CACNA1E: variants seen among roughly 807,000 people sequenced by gnomAD.
CACNA1E encodes the protein voltage-dependent R-type calcium channel subunit alpha-1E.
CACNA1E carries 40 observed loss-of-function variants against 259.2 expected under a neutral mutation model. The observed-to-expected ratio is 0.15, with a 90% CI of 0.12 to 0.20. The LOEUF is 0.20. Among genes scored for constraint, CACNA1E ranks in the 10% least tolerant of loss-of-function variants. CACNA1E has a pLI of 1.00. For synonymous variants in CACNA1E, 1,104 were observed against 1,138.5 expected, an observed-to-expected ratio of 0.97 and a Z score of 0.61; for missense variants, 1,874 against 3,040.1, an observed-to-expected ratio of 0.62 and a Z score of 9.02.
At position 181,676,023 on chromosome 1, in the gene CACNA1E, C is replaced by T. The variant is rs369165558; in HGVS notation, c.1055+24582C>T. On this transcript the variant is annotated intron_variant, in intron 7 of 47. Coordinates refer to ENST00000367573, the MANE Select transcript of CACNA1E (RefSeq NM_001205293.3). ...TCAATGAATTTCACTGTAGCCCAAGCGACAGTGTGTGCTGTGTCACTCTTA... is the reference window on the plus strand; with the variant it reads ...TCAATGAATTTCACTGTAGCCCAAGTGACAGTGTGTGCTGTGTCACTCTTA... Among the ~76,000 whole-genome samples, 36 of 139,362 alleles carry T rather than the reference C, an allele frequency of 2.6e-4. 2 individuals are homozygous for T. Among genetic ancestry groups the T allele is most frequent in the South Asian group, 2.0e-3 (8 of 4,098 alleles). 91.4% of individuals were successfully genotyped at this position (139,362 alleles called of 152,430 possible). A position where few individuals can be genotyped will look rare whatever the true frequency, so the allele number is the denominator to read the frequency against.
chr1:181,562,498 C>T (rs1423988931), intron 3 of CACNA1E, among the ~76,000 whole-genome samples: 2 of 152,172 alleles, frequency 1.3e-5, no homozygotes, highest in African/African-American at 4.8e-5. Flanking sequence ...TGTATCTCTA[C>T]AGGATTAGTT....
chr1:181,756,448 C>G (rs1658096400), intron 29 of CACNA1E, among the ~76,000 whole-genome samples: 1 of 152,148 alleles, frequency 6.6e-6, no homozygotes, highest in Non-Finnish European at 1.5e-5. Flanking sequence ...CAGGGGGGCC[C>G]AGCACCTGAA....
At position 181,466,132 on chromosome 1, in the gene CACNA1E, T is replaced by C. The variant is rs575252501; in HGVS notation, c.435-17612T>C. On this transcript the variant is annotated intron_variant, in intron 2 of 11. Transcript: ENST00000524607. ...TGCTGTAGAGTTGATTTTCATGCAGTTTATTTAACTGAAGGTACAGTTCTT... is the reference window on the plus strand; with the variant it reads ...TGCTGTAGAGTTGATTTTCATGCAGCTTATTTAACTGAAGGTACAGTTCTT... 2.6e-5 allele frequency among the ~76,000 whole-genome samples: 4 copies of C among 151,308 alleles called. No homozygotes were observed. The East Asian group carries it at 7.7e-4, about 29-fold the overall frequency.
intron 2 of CACNA1E, among the ~76,000 whole-genome samples, chr1:181,422,866 C>T (rs996998966): frequency 6.6e-6 from 1 of 152,114 alleles, no homozygotes; most frequent in Non-Finnish European, 1.5e-5. Flanking sequence ...TGTACAAGAA[C>T]TGCTAACTCA....
intron 35 of CACNA1E, among the ~76,000 whole-genome samples, chr1:181,768,086 A>ATAAT (rs1270384967): frequency 6.6e-6 from 1 of 152,230 alleles, no homozygotes; most frequent in Non-Finnish European, 1.5e-5. Flanking sequence ...TGGAAACATT[A>ATAAT]TAATTCTTCT....
At chr1:181,674,608 C>G (rs982722789) in intron 7 of CACNA1E, among the ~76,000 whole-genome samples, 2 of 152,124 alleles carry the variant, frequency 1.3e-5, no homozygotes, top group East Asian at 3.9e-4. Context: ...TCCATGCCCC[C>G]TCAGCTGCGA....
At chr1:181,735,340 G>T (rs555130729) in intron 21 of CACNA1E, among the ~76,000 whole-genome samples, 3 of 152,264 alleles carry the variant, frequency 2.0e-5, no homozygotes, top group African/African-American at 4.8e-5. Context: ...ATAGGTAAAA[G>T]CATGTGATAG....
intron 29 of CACNA1E, 93 bp downstream of exon 29, chr1:181,756,186 T>C (rs1658075430): frequency 1.6e-6 from 2 of 1,252,662 alleles, no homozygotes; most frequent in Non-Finnish European, 1.1e-6. Context: ...GCTCACGCTT[T>C]GTTATTGTAT....
chr1:181,320,555 G>A (rs6671687), intron 1 of CACNA1E, among the ~76,000 whole-genome samples: 38,617 of 152,124 alleles, frequency 0.25, 5,239 homozygotes, highest in African/African-American at 0.32. Context: ...CCATTTTATA[G>A]ATGAGGAAAC....
chr1:181,330,119 C>G (rs1220924784), intron 1 of CACNA1E, among the ~76,000 whole-genome samples: 1 of 152,172 alleles, frequency 6.6e-6, no homozygotes, highest in Non-Finnish European at 1.5e-5. Context: ...TCTGTGCCCT[C>G]ATTTTGGGGA....
At chr1:181,773,091 C>T (rs1449185063) in intron 37 of CACNA1E, among the ~76,000 whole-genome samples, 1 of 152,200 alleles carries the variant, frequency 6.6e-6, no homozygotes, top group African/African-American at 2.4e-5. Context: ...ACAGTGATGC[C>T]ACTGAAAAGT....
chr1:181,643,625 C>T (rs1237128358), intron 6 of CACNA1E, among the ~76,000 whole-genome samples: 5 of 152,306 alleles, frequency 3.3e-5, no homozygotes, highest in Non-Finnish European at 7.4e-5. Context: ...TCGGTAGCAT[C>T]GTGTGGCTGC....
chr1:181,343,979 T>C (rs1652392348), intron 1 of CACNA1E, among the ~76,000 whole-genome samples: 1 of 152,150 alleles, frequency 6.6e-6, no homozygotes, highest in South Asian at 2.1e-4. Context: ...CTGGCTACTC[T>C]TGCTCACCCT....
At position 181,676,196 on chromosome 1, in the gene CACNA1E, G is replaced by A. The variant is rs1649359245; in HGVS notation, c.1055+24755G>A. On this transcript the variant is annotated intron_variant, in intron 7 of 47. Coordinates refer to ENST00000367573, the MANE Select transcript of CACNA1E (RefSeq NM_001205293.3). ...AGTGCAGAATGTGAAAGCCAAGAAG[G>A]ATTTGTAGGTAATGATGTTTTTGCC... Among the ~76,000 whole-genome samples the A allele has an allele frequency of 2.0e-5, 3 of 152,274 alleles. 1 individual carries two copies. The highest frequency in any genetic ancestry group is 3.9e-4 in the East Asian group (2 of 5,186).
At chr1:181,511,943 A>T (rs1201515713) in intron 3 of CACNA1E, among the ~76,000 whole-genome samples, 1 of 152,196 alleles carries the variant, frequency 6.6e-6, no homozygotes, top group African/African-American at 2.4e-5. Flanking sequence ...GTTGGAGAAG[A>T]CCTCAGCCAT....
At chr1:181,415,744 G>T (rs776944773) in intron 2 of CACNA1E, among the ~76,000 whole-genome samples, 3 of 152,248 alleles carry the variant, frequency 2.0e-5, no homozygotes, top group Non-Finnish European at 2.9e-5. Flanking sequence ...TAGAGACAGT[G>T]ATGTTGCCCC....
rs2102685079 is a variant in CACNA1E at position 181,756,013 on chromosome 1, G to A, written c.4047G>A (p.Lys1349=). The change falls in exon 29 of 48, where the codon AAG becomes AAA. Residue 1349 remains lysine, a synonymous_variant. Transcript: ENST00000367573. ...NKMEVKGREW[K]RHEFHYDNII... is the part of the protein sequence containing the mutation. Reference sequence around the variant, plus strand: ...TGGAGGTGAAGGGCCGGGAATGGAAGCGCCATGAATTCCACTACGACAACA... The same window carrying A: ...TGGAGGTGAAGGGCCGGGAATGGAAACGCCATGAATTCCACTACGACAACA... 3 of 1,613,922 alleles carry A rather than the reference G, an allele frequency of 1.9e-6. No individual in the cohort carries two copies. Among genetic ancestry groups the A allele is most frequent in the Non-Finnish European group, 2.5e-6 (3 of 1,179,818 alleles).
intron 2 of CACNA1E, among the ~76,000 whole-genome samples, chr1:181,458,303 C>G (rs1661587483): frequency 6.6e-6 from 1 of 152,184 alleles, no homozygotes; most frequent in Non-Finnish European, 1.5e-5. Context: ...CAGACCACCA[C>G]CTGGCTCCCC....
intron 9 of CACNA1E, among the ~76,000 whole-genome samples, chr1:181,715,830 G>A (rs898878787): frequency 5.3e-5 from 8 of 152,218 alleles, no homozygotes; most frequent in Non-Finnish European, 1.2e-4. Context: ...CAGAGCTCTT[G>A]TGTTGCAGGA....
Sources: gnomAD v4.1 joint callset for allele counts (sites outside exome capture counted in the v4.1 genomes callset) on GRCh38, gnomAD v4.1.1 for gene constraint, MANE v1.5 for transcripts, NCBI Gene and HGNC (gene_info 2026-07-23, HGNC 2026-07-21) for gene names.